SAMHD1: variants seen among roughly 807,000 people sequenced by gnomAD.
SAMHD1 encodes the protein deoxynucleoside triphosphate triphosphohydrolase SAMHD1.
In SAMHD1, 54 loss-of-function variants were observed where a neutral mutation model predicts 79.6. That is an observed-to-expected ratio of 0.68 (90% CI 0.55 to 0.85). The LOEUF is 0.85. Ranked by LOEUF, SAMHD1 falls within the 40% of genes least tolerant of loss-of-function variation. SAMHD1 has a pLI of 0.00. For synonymous variants in SAMHD1, 260 were observed against 264.1 expected, an observed-to-expected ratio of 0.98 and a Z score of 0.15; for missense variants, 663 against 782.7, an observed-to-expected ratio of 0.85 and a Z score of 1.82.
intron 11 of SAMHD1, among the ~76,000 whole-genome samples, chr20:36,908,906 C>T (rs1238116849): frequency 1.3e-5 from 2 of 152,036 alleles, no homozygotes; most frequent in Admixed American, 6.6e-5. Flanking sequence ...AGCCTTTCCA[C>T]GGATTCTGTA....
At chr20:36,941,264 ACT>A (rs2063642695) in intron 2 of SAMHD1, among the ~76,000 whole-genome samples, 153 bp from the exon 3 acceptor site, 1 of 151,688 alleles carries the variant, frequency 6.6e-6, no homozygotes, top group Non-Finnish European at 1.5e-5. Flanking sequence ...CCTCCTAGAA[ACT>A]CTCTCCTTCC....
chr20:36,908,683 A>G (rs971793114), intron 11 of SAMHD1, among the ~76,000 whole-genome samples: 4 of 152,148 alleles, frequency 2.6e-5, no homozygotes, highest in African/African-American at 9.7e-5. Context: ...CTTTACAGAA[A>G]TATCAATCTG....
Position 36,911,213 on chromosome 20 carries a change from C to T in SAMHD1, c.1270+5G>A. The T allele has an allele frequency of 6.3e-7, 1 of 1,591,472 alleles. No homozygotes were observed. Among genetic ancestry groups the T allele is most frequent in the Non-Finnish European group, 8.6e-7 (1 of 1,159,998 alleles). ...GGACCATCTATGTTACCTGTTACTT[C>T]TTACCTGTCAGCTTAGTATAGGCTT... is the stretch of plus-strand genomic sequence containing the variant. On this transcript the variant is annotated splice_donor_5th_base_variant and intron_variant, in intron 11 of 15. Coordinates refer to ENST00000646673, the MANE Select transcript of SAMHD1 (RefSeq NM_015474.4).
chr20:36,946,127 A>G (rs1051184767), intron 2 of SAMHD1, among the ~76,000 whole-genome samples: 1 of 152,072 alleles, frequency 6.6e-6, no homozygotes, highest in Non-Finnish European at 1.5e-5. Flanking sequence ...TACTAAAAGT[A>G]CAAAAATCAG....
chr20:36,894,017 G>T (rs565277221), intron 15 of SAMHD1: 11 of 398,262 alleles, frequency 2.8e-5, no homozygotes, highest in African/African-American at 1.8e-4. Context: ...CTATTCTGTG[G>T]TTCTAGCTTT....
chr20:36,917,784 T>C (rs1378058351), intron 7 of SAMHD1, among the ~76,000 whole-genome samples: 1 of 152,212 alleles, frequency 6.6e-6, no homozygotes, highest in East Asian at 1.9e-4. Context: ...ATGTATTCTT[T>C]GAGCTCCACT....
chr20:36,905,045 T>A (rs1209820543), intron 12 of SAMHD1: 7 of 349,412 alleles, frequency 2.0e-5, no homozygotes, highest in Non-Finnish European at 1.1e-5. Context: ...TCCCTTATAT[T>A]CATTTTCTCA....
At chr20:36,914,785 T>C (rs1447900631) in intron 9 of SAMHD1, among the ~76,000 whole-genome samples, 1 of 151,802 alleles carries the variant, frequency 6.6e-6, no homozygotes, top group Non-Finnish European at 1.5e-5. Context: ...GGAGGACAAG[T>C]TGCTTGAGGT....
At chr20:36,943,820 C>T (rs976533687) in intron 2 of SAMHD1, among the ~76,000 whole-genome samples, 3 of 152,094 alleles carry the variant, frequency 2.0e-5, no homozygotes, top group African/African-American at 4.8e-5. Flanking sequence ...TGGCTCACGC[C>T]TGTAATCCCA....
intron 9 of SAMHD1, 36 bp downstream of exon 9, chr20:36,916,682 GAACA>G (rs1568769496): frequency 3.6e-6 from 5 of 1,390,972 alleles, no homozygotes; most frequent in Non-Finnish European, 5.1e-6. Flanking sequence ...TTCAGACCAG[GAACA>G]ACATTCTTCT....
At chr20:36,931,906 G>A (rs2063570125) in intron 4 of SAMHD1, among the ~76,000 whole-genome samples, 1 of 152,112 alleles carries the variant, frequency 6.6e-6, no homozygotes, top group Admixed American at 6.6e-5. Flanking sequence ...ATTATGCTAA[G>A]TGAAATAAGC....
chr20:36,918,416 C>T (rs1021706026), intron 7 of SAMHD1, among the ~76,000 whole-genome samples: 3 of 150,298 alleles, frequency 2.0e-5, no homozygotes, highest in South Asian at 4.2e-4. Context: ...CCCAGGAGTT[C>T]GAAACCAGCT....
chr20:36,895,866 G>C (rs946059152), intron 15 of SAMHD1, among the ~76,000 whole-genome samples: 1 of 152,066 alleles, frequency 6.6e-6, no homozygotes, highest in African/African-American at 2.4e-5. Context: ...ATGGATGGCT[G>C]TGTCTATACT....
intron 9 of SAMHD1, among the ~76,000 whole-genome samples, chr20:36,912,889 G>GTT (rs71186089): frequency 0.07 from 2,895 of 41,074 alleles, 1,091 homozygotes; most frequent in Non-Finnish European, 0.1. Flanking sequence ...TTCATTCTTT[G>GTT]TTTTTTTTTT....
intron 2 of SAMHD1, among the ~76,000 whole-genome samples, chr20:36,945,029 GTATC>G (rs36061175): frequency 0.064 from 9,674 of 152,078 alleles, 418 homozygotes; most frequent in Non-Finnish European, 0.1. Context: ...ATGTATATAT[GTATC>G]TATCTACCTA....
intron 13 of SAMHD1, among the ~76,000 whole-genome samples, chr20:36,899,833 C>T (rs527702027): frequency 1.4e-4 from 22 of 152,198 alleles, no homozygotes; most frequent in African/African-American, 5.1e-4. Flanking sequence ...CAATGGCTCA[C>T]GCCTGTAATC....
At chr20:36,913,062 T>C (rs1203653090) in intron 9 of SAMHD1, among the ~76,000 whole-genome samples, 4 of 146,616 alleles carry the variant, frequency 2.7e-5, no homozygotes, top group African/African-American at 5.1e-5. Context: ...AGTGGCGCCA[T>C]CTCGGCTCAC....
intron 1 of SAMHD1, 53 bp from the exon 2 acceptor site, chr20:36,946,857 C>G (rs1253109733): frequency 7.0e-7 from 1 of 1,423,298 alleles, no homozygotes; most frequent in African/African-American, 1.4e-5. Context: ...TTTTCATTTT[C>G]TTTCAATTTG....
At chr20:36,915,177 C>G (rs1888744253) in intron 9 of SAMHD1, among the ~76,000 whole-genome samples, 1 of 151,860 alleles carries the variant, frequency 6.6e-6, no homozygotes, top group Non-Finnish European at 1.5e-5. Flanking sequence ...AACTCCACCT[C>G]TGTAAAATAA....
Sources: allele counts gnomAD v4.1 joint callset (sites outside exome capture counted in the v4.1 genomes callset), GRCh38; gene constraint gnomAD v4.1.1; transcripts MANE v1.5; gene names NCBI Gene and HGNC (gene_info 2026-07-23, HGNC 2026-07-21).